Variants in CNTN4 observed in about 807,000 individuals in gnomAD.
CNTN4 encodes contactin-4.
A neutral mutation model predicts 122.5 loss-of-function variants in CNTN4; 77 were observed. That is an observed-to-expected ratio of 0.63 (90% CI 0.52 to 0.76). The LOEUF is 0.76. Among genes scored for constraint, CNTN4 ranks in the 30% least tolerant of loss-of-function variants. The pLI is 0.00. For missense variants in CNTN4, 1,256 were observed against 1,259.1 expected, an observed-to-expected ratio of 1.00 and a Z score of 0.04; for synonymous variants, 512 against 447.0, an observed-to-expected ratio of 1.15 and a Z score of -1.83.
intron 7 of CNTN4, among the ~76,000 whole-genome samples, chr3:2,853,822 A>G (rs748424166): frequency 2.6e-4 from 40 of 152,266 alleles, no homozygotes; most frequent in Middle Eastern, 3.4e-3. Flanking sequence ...AAGTCATGTG[A>G]TCCTCACTGA....
chr3:2,863,597 A>T (rs2093692868), intron 7 of CNTN4, among the ~76,000 whole-genome samples: 1 of 152,074 alleles, frequency 6.6e-6, no homozygotes, highest in Non-Finnish European at 1.5e-5. Context: ...GAAGTAATAC[A>T]GTTAATAATC....
At chr3:2,907,200 T>C (rs2094244682) in intron 12 of CNTN4, among the ~76,000 whole-genome samples, 1 of 152,194 alleles carries the variant, frequency 6.6e-6, no homozygotes, top group Non-Finnish European at 1.5e-5. Flanking sequence ...AATAACTAAA[T>C]TGTCATTACC....
chr3:2,745,289 A>G (rs2089691955), intron 5 of CNTN4, among the ~76,000 whole-genome samples: 1 of 152,222 alleles, frequency 6.6e-6, no homozygotes, highest in South Asian at 2.1e-4. Flanking sequence ...GAACATTTTA[A>G]TGATATTAAA....
At chr3:2,196,157 G>A (rs905354079) in intron 2 of CNTN4, among the ~76,000 whole-genome samples, 2 of 152,146 alleles carry the variant, frequency 1.3e-5, no homozygotes, top group African/African-American at 2.4e-5. Flanking sequence ...AAGGGAACAG[G>A]CTGGAATTGA....
At chr3:2,514,322 T>C (rs2076978900) in intron 3 of CNTN4, among the ~76,000 whole-genome samples, 1 of 152,138 alleles carries the variant, frequency 6.6e-6, no homozygotes, top group Non-Finnish European at 1.5e-5. Flanking sequence ...TTCTGTGAAC[T>C]GTCTCTATGA....
At chr3:2,561,897 T>C (rs2078972235) in intron 3 of CNTN4, among the ~76,000 whole-genome samples, 1 of 152,196 alleles carries the variant, frequency 6.6e-6, no homozygotes, top group Admixed American at 6.5e-5. Context: ...GGGGCTGCCC[T>C]TGGGCTAAGC....
chr3:2,991,464 A>G (rs542799397), intron 14 of CNTN4, among the ~76,000 whole-genome samples: 3 of 152,102 alleles, frequency 2.0e-5, no homozygotes, highest in South Asian at 4.2e-4. Context: ...GAGGTGGGGG[A>G]AAAAAGTTTT....
intron 3 of CNTN4, among the ~76,000 whole-genome samples, chr3:2,424,535 T>C (rs1575600156): frequency 6.6e-6 from 1 of 152,178 alleles, no homozygotes; most frequent in African/African-American, 2.4e-5. Flanking sequence ...TATGTGTGCA[T>C]GTATCTTTAT....
chr3:2,180,236 G>A (rs1438303732), intron 2 of CNTN4, among the ~76,000 whole-genome samples: 1 of 151,900 alleles, frequency 6.6e-6, no homozygotes, highest in Non-Finnish European at 1.5e-5. Flanking sequence ...AGAAGGATAG[G>A]GATGGAACTA....
intron 6 of CNTN4, among the ~76,000 whole-genome samples, chr3:2,772,934 G>A (rs1237413056): frequency 6.6e-6 from 1 of 152,182 alleles, no homozygotes. Context: ...GGAGAGGATA[G>A]AGAGCAGATA....
At chr3:2,605,619 G>C (rs1177935148) in intron 4 of CNTN4, among the ~76,000 whole-genome samples, 2 of 152,190 alleles carry the variant, frequency 1.3e-5, no homozygotes, top group East Asian at 3.9e-4. Context: ...GACCCAAGTG[G>C]TGGAGGTAGA....
intron 3 of CNTN4, among the ~76,000 whole-genome samples, chr3:2,366,155 G>T (rs2045368345): frequency 1.3e-5 from 2 of 152,108 alleles, no homozygotes; most frequent in Admixed American, 1.3e-4. Context: ...TCTACTGGCA[G>T]CCTATCAATG....
chr3:2,696,964 G>A lies in CNTN4; in HGVS notation c.56-39251G>A, dbSNP rs2086070297. ...TTTAATAAAGTATGTGAATACTTAG[G>A]AACGGAAGGTTGCGAATTAAAAAAT... On this transcript the variant is annotated intron_variant, in intron 4 of 24. Transcript: ENST00000418658. Among the ~76,000 whole-genome samples, 10 of 152,162 alleles carry A rather than the reference G, an allele frequency of 6.6e-5. No homozygotes were observed. The South Asian group carries it at 2.1e-3, about 32-fold the overall frequency.
chr3:2,147,160 T>G (rs2035285026), intron 2 of CNTN4, among the ~76,000 whole-genome samples: 1 of 152,094 alleles, frequency 6.6e-6, no homozygotes, highest in Non-Finnish European at 1.5e-5. Context: ...ATTATAGGAG[T>G]GAGCCACTGT....
chr3:2,755,931 G>A (rs1031023267), intron 6 of CNTN4, among the ~76,000 whole-genome samples: 3 of 152,280 alleles, frequency 2.0e-5, no homozygotes, highest in Middle Eastern at 3.4e-3. Context: ...TCGTTGTTAT[G>A]AGTAATTCAG....
intron 13 of CNTN4, among the ~76,000 whole-genome samples, chr3:2,944,637 T>C (rs889463840): frequency 2.6e-5 from 4 of 152,238 alleles, no homozygotes; most frequent in Non-Finnish European, 5.9e-5. Flanking sequence ...TTTCAAATGA[T>C]AGCCTCTGCC....
At position 2,470,319 on chromosome 3, in the gene CNTN4, C is replaced by A. The variant is rs138461616; in HGVS notation, c.-88-101097C>A. Among the ~76,000 whole-genome samples, 316 of 152,236 alleles carry A rather than the reference C, an allele frequency of 2.1e-3. 1 individual carries two copies. Among genetic ancestry groups the A allele is most frequent in the African/African-American group, 7.4e-3 (306 of 41,550 alleles). On this transcript the variant is annotated intron_variant, in intron 3 of 24. Transcript: ENST00000418658. ...CTCGATCTCCTGACCTCATGATTCA[C>A]CCATGTTGGCCTCCCAAAGTGCTGG...
intron 2 of CNTN4, among the ~76,000 whole-genome samples, chr3:2,246,855 TG>T: frequency 6.6e-6 from 1 of 152,002 alleles, no homozygotes; most frequent in South Asian, 2.1e-4. Flanking sequence ...TGGAATGAGT[TG>T]GCAGTGGATT....
intron 2 of CNTN4, among the ~76,000 whole-genome samples, chr3:2,298,931 A>G (rs1291235916): frequency 2.0e-5 from 3 of 152,236 alleles, no homozygotes; most frequent in African/African-American, 7.2e-5. Flanking sequence ...ATGATTAGAC[A>G]TTAAAGCATC....
Sources: gnomAD v4.1 joint callset for allele counts (sites outside exome capture counted in the v4.1 genomes callset) on GRCh38, gnomAD v4.1.1 for gene constraint, MANE v1.5 for transcripts, NCBI Gene and HGNC (gene_info 2026-07-23, HGNC 2026-07-21) for gene names.